Variants in MMP24 observed in about 807,000 individuals in gnomAD.
The protein encoded by MMP24 is matrix metalloproteinase-24.
Under a neutral mutation model 62.8 loss-of-function variants are expected in MMP24, and 25 were observed. The observed-to-expected ratio is 0.40, with a 90% CI of 0.29 to 0.56. The LOEUF (loss-of-function observed/expected upper bound fraction) is 0.56, where lower values mean the gene tolerates loss of function less well. Ranked by LOEUF, MMP24 falls within the 20% of genes least tolerant of loss-of-function variation. MMP24 has a pLI of 0.50. For synonymous variants in MMP24, 319 were observed against 350.5 expected (o/e 0.91, Z 1.00); for missense variants, 634 against 853.6 (o/e 0.74, Z 3.21).
At chr20:35,272,678 G>A (rs73903035) in intron 8 of MMP24, among the ~76,000 whole-genome samples, 12,131 of 152,278 alleles carry the variant, frequency 0.08, 652 homozygotes, top group African/African-American at 0.16. Context: ...CAGATGCAGA[G>A]TGGGCCTCCA....
rs913056720 is a variant in MMP24 at position 35,271,901 on chromosome 20, C to T, written c.1600+66C>T. The T allele has an allele frequency of 2.1e-5, 31 of 1,500,618 alleles. No homozygotes were observed. The highest frequency in any genetic ancestry group is 1.8e-4 in the East Asian group (8 of 43,326). 93.0% of individuals were successfully genotyped at this position (1,500,618 alleles called of 1,614,324 possible). The stretch of plus-strand genomic sequence containing the variant: ...TTTATGTGGTCCTCACCAGTGCCCA[C>T]GGGCATACTCAGTGCCCATGGGCGT... On this transcript the variant is annotated intron_variant, in intron 8 of 8. Transcript: ENST00000246186. The surrounding 1 kb of genome is among the most constrained non-coding windows in gnomAD (Gnocchi z 4.0).
chr20:35,267,069 G>A (rs2146236843), intron 5 of MMP24, 136 bp from the exon 6 acceptor site: 1 of 666,778 alleles, frequency 1.5e-6, no homozygotes, highest in South Asian at 1.9e-5. Context: ...AAAGACTGGG[G>A]GAGTTAAACT....
intron 1 of MMP24, among the ~76,000 whole-genome samples, chr20:35,241,794 A>G (rs2060489564): frequency 6.6e-6 from 1 of 152,214 alleles, no homozygotes; most frequent in South Asian, 2.1e-4. Context: ...ACTTCCTACC[A>G]TAAGCAGGAA....
Position 35,276,435 on chromosome 20 carries a change from ACT to A in MMP24, c.*1830_*1831del. 1 of 397,664 alleles carries A rather than the reference ACT, an allele frequency of 2.5e-6. No individual in the cohort carries two copies. The highest frequency in any genetic ancestry group is 4.4e-6 in the Non-Finnish European group (1 of 225,730). 24.6% of individuals were successfully genotyped at this position (397,664 alleles called of 1,614,324 possible). ...GTTAGGCCCTGGGAGGCCGACGGTA[ACT>A]CTCACCGTGCCCTCAGATGAAGCAC... On this transcript the variant is annotated 3_prime_UTR_variant, in exon 9 of 9. Coordinates refer to ENST00000246186, the MANE Select transcript of MMP24 (RefSeq NM_006690.4).
rs760057384 is a variant in MMP24, at chr20:35,274,483, C to T, written c.1812C>T (p.Ala604=). The change falls in exon 9 of 9, where the codon GCC becomes GCT. Residue 604 remains alanine, a synonymous_variant. Coordinates refer to ENST00000246186, the MANE Select transcript of MMP24 (RefSeq NM_006690.4). The surrounding 1 kb of genome is among the most constrained non-coding windows in gnomAD (Gnocchi z 5.1). ...NDVPGSVNAV[A]VVIPCILSLC... ...TGCCGGGCTCCGTGAACGCCGTGGC[C>T]GTGGTCATCCCCTGCATCCTGTCCC... The T allele has an allele frequency of 7.4e-6, 12 of 1,614,032 alleles. No homozygotes were observed. The highest frequency in any genetic ancestry group is 8.5e-6 in the Non-Finnish European group (10 of 1,179,884).
intron 6 of MMP24, among the ~76,000 whole-genome samples, chr20:35,268,910 C>T (rs1319406094): frequency 6.6e-6 from 1 of 152,046 alleles, no homozygotes; most frequent in East Asian, 1.9e-4. Context: ...GCCTGTAGTC[C>T]CAGCTACTCA....
At chr20:35,254,419 C>T (rs771464661) in intron 3 of MMP24, 31 bp from the exon 4 acceptor site, 2 of 1,576,786 alleles carry the variant, frequency 1.3e-6, no homozygotes, top group East Asian at 4.5e-5. Context: ...ACTCTCTGAT[C>T]TTGCCTAATG....
At chr20:35,240,430 G>A (rs1299070029) in intron 1 of MMP24, among the ~76,000 whole-genome samples, 1 of 152,048 alleles carries the variant, frequency 6.6e-6, no homozygotes, top group Non-Finnish European at 1.5e-5. Flanking sequence ...CACTTAAAGG[G>A]TGACAGACAT....
intron 1 of MMP24, among the ~76,000 whole-genome samples, chr20:35,244,366 C>T (rs1018308924): frequency 6.6e-6 from 1 of 152,124 alleles, no homozygotes; most frequent in Non-Finnish European, 1.5e-5. Flanking sequence ...CATTTTCCAG[C>T]TGATGCCACA....
chr20:35,273,088 CAA>C (rs2060681163), intron 8 of MMP24, among the ~76,000 whole-genome samples: 3 of 151,956 alleles, frequency 2.0e-5, no homozygotes, highest in Non-Finnish European at 4.4e-5. Context: ...TGCAGACGTC[CAA>C]GTCTAGGGGC....
rs2060565972 is a variant in MMP24, at chr20:35,254,708, C to T, written c.771C>T (p.His257=). The T allele has an allele frequency of 6.2e-7, 1 of 1,614,162 alleles. No individual in the cohort carries two copies. Residue 257 remains histidine, a synonymous_variant, in exon 4 of 9, where the codon CAC becomes CAT. Transcript: ENST00000246186. ...GCCCAGGGATTGGAGGAGACACCCACTTTGACTCCGATGAGCCATGGACGC... is the reference window on the plus strand; with the variant it reads ...GCCCAGGGATTGGAGGAGACACCCATTTTGACTCCGATGAGCCATGGACGC... ...FPGPGIGGDT[H]FDSDEPWTLG...
intron 1 of MMP24, among the ~76,000 whole-genome samples, chr20:35,227,691 A>C (rs1206969756): frequency 6.6e-6 from 1 of 152,156 alleles, no homozygotes; most frequent in Non-Finnish European, 1.5e-5. Context: ...CATCACAATA[A>C]TGCCAGCTAG....
chr20:35,231,492 A>G (rs988280005), intron 1 of MMP24, among the ~76,000 whole-genome samples: 1 of 150,978 alleles, frequency 6.6e-6, no homozygotes, highest in Non-Finnish European at 1.5e-5. Context: ...TTTCCCTTTT[A>G]CATAAGCTGG....
chr20:35,261,832 ACT>A (rs1166184707), intron 4 of MMP24, among the ~76,000 whole-genome samples: 1 of 115,866 alleles, frequency 8.6e-6, no homozygotes, highest in Admixed American at 1.2e-4. Flanking sequence ...ATGGAGTCTC[ACT>A]CTGTTGCCCA....
chr20:35,232,409 C>T (rs1360868059), intron 1 of MMP24, among the ~76,000 whole-genome samples: 1 of 152,194 alleles, frequency 6.6e-6, no homozygotes. Flanking sequence ...ATCTAATCCC[C>T]ATCAACTTCT....
intron 1 of MMP24, among the ~76,000 whole-genome samples, chr20:35,246,461 G>A (rs1422924194): frequency 6.6e-6 from 1 of 152,148 alleles, no homozygotes; most frequent in Non-Finnish European, 1.5e-5. Flanking sequence ...TGGCGACAAA[G>A]CTGGACTCCG....
chr20:35,257,523 T>C (rs964113970), intron 4 of MMP24, among the ~76,000 whole-genome samples: 3 of 152,234 alleles, frequency 2.0e-5, no homozygotes, highest in Non-Finnish European at 4.4e-5. Flanking sequence ...GGCAAATGAA[T>C]GTCCAAAGAG....
At chr20:35,241,067 T>G (rs74942444) in intron 1 of MMP24, among the ~76,000 whole-genome samples, 1,588 of 152,246 alleles carry the variant, frequency 0.01, 20 homozygotes, top group African/African-American at 0.036. Flanking sequence ...AGTTTGCTAA[T>G]GTGCATAAAG....
At chr20:35,242,355 T>C (rs2060492489) in intron 1 of MMP24, among the ~76,000 whole-genome samples, 1 of 151,800 alleles carries the variant, frequency 6.6e-6, no homozygotes, top group Non-Finnish European at 1.5e-5. Flanking sequence ...AAATAAAAAT[T>C]AAATTTAAAA....
Sources: gnomAD v4.1 joint callset for allele counts (sites outside exome capture counted in the v4.1 genomes callset) on GRCh38, gnomAD v4.1.1 for gene constraint, Gnocchi (gnomAD v3.1) non-coding constraint, MANE v1.5 for transcripts, NCBI Gene and HGNC (gene_info 2026-07-23, HGNC 2026-07-21) for gene names.